Variants in SPTBN5 observed in about 807,000 individuals in gnomAD.
The protein encoded by SPTBN5 is spectrin beta chain, non-erythrocytic 5.
In SPTBN5, 513 loss-of-function variants were observed where a neutral mutation model predicts 477.6. That is an observed-to-expected ratio of 1.07 (90% CI 1.00 to 1.16). The LOEUF (loss-of-function observed/expected upper bound fraction) is 1.16, where lower values mean the gene tolerates loss of function less well. Ranked by LOEUF, SPTBN5 falls within the 50% of genes most tolerant of loss-of-function variation. The probability of loss-of-function intolerance (pLI) is 0.00; values close to 1 mark genes in which losing one functional copy is unlikely to be tolerated. For synonymous variants in SPTBN5, 2,169 were observed against 2,011.7 expected (o/e 1.08, Z -2.09); for missense variants, 5,062 against 4,731.8 (o/e 1.07, Z -2.05).
intron 20 of SPTBN5, 36 bp from the exon 21 acceptor site, chr15:41,876,320 C>T (rs544563594): frequency 4.4e-5 from 66 of 1,510,440 alleles, no homozygotes; most frequent in East Asian, 1.2e-4. Context: ...TCTCAGAGCA[C>T]GGTGGGTGGG....
chr15:41,873,820 C>G (rs372199829), intron 25 of SPTBN5, 25 bp downstream of exon 25: 61 of 1,606,956 alleles, frequency 3.8e-5, no homozygotes, highest in Middle Eastern at 3.4e-4. Flanking sequence ...GCCTCTTCCC[C>G]CAACCCCACC....
chr15:41,878,763 G>GGGGGCAGCAAGAACAT (rs1471470017), intron 16 of SPTBN5, 134 bp from the exon 17 acceptor site: 3 of 1,043,738 alleles, frequency 2.9e-6, no homozygotes, highest in Non-Finnish European at 4.1e-6. Context: ...CCCTTGACCT[G>GGGGGCAGCAAGAACAT]GGGGCAGCAA....
chr15:41,893,372 C>T lies in SPTBN5; in HGVS notation c.126G>A (p.Thr42=), dbSNP rs575688377. The T allele has an allele frequency of 3.5e-5, 57 of 1,613,926 alleles. No homozygotes were observed. Among genetic ancestry groups the T allele is most frequent in the Middle Eastern group, 1.6e-4 (1 of 6,062 alleles). ...GGGCCTGTAGCTTGCGAATGTGGCC[C>T]GTCTCGTACTGAGAGTCCATGGTGA... ...PSLTMDSQYE[T]GHIRKLQARH... is the part of the protein sequence containing the mutation. The change falls in exon 2 of 68, where the codon ACG becomes ACA. Residue 42 remains threonine (T), a synonymous_variant. Coordinates refer to ENST00000320955, the MANE Select transcript of SPTBN5 (RefSeq NM_016642.4).
At position 41,867,040 on chromosome 15, in the gene SPTBN5, T is replaced by G. The variant is rs2066345238; in HGVS notation, c.6399A>C (p.Arg2133Ser). 6.4e-7 allele frequency: 1 copy of G among 1,553,566 alleles called. No homozygotes were observed. The highest frequency in any genetic ancestry group is 1.2e-5 in the South Asian group (1 of 84,346). ...CCCGGCTCTCCGCCAGCTCCTTCAC[T>G]CTCATCCGGCGCTGCAGCAGGATGG... The part of the protein sequence containing the change: ...RLPILLQRRM[R>S]VKELAESRGH... The change falls in exon 36 of 68, where the codon AGA (arginine) becomes AGC (serine). Residue 2133 changes from arginine (R) to serine (S), a missense_variant. Transcript: ENST00000320955.
intron 62 of SPTBN5, 82 bp downstream of exon 62, chr15:41,852,100 C>A: frequency 6.8e-7 from 1 of 1,480,908 alleles, no homozygotes; most frequent in Non-Finnish European, 9.1e-7. Flanking sequence ...GGGTGTGGGC[C>A]CTCACCCCCA....
rs928824669 is a variant in SPTBN5 at position 41,879,666 on chromosome 15, G to A, written c.2942+68C>T. 5.7e-6 allele frequency: 9 copies of A among 1,585,342 alleles called. No homozygotes were observed. The African/African-American group carries it at 8.0e-5, about 14-fold the overall frequency. On this transcript the variant is annotated intron_variant, in intron 15 of 67. Coordinates refer to ENST00000320955, the MANE Select transcript of SPTBN5 (RefSeq NM_016642.4). Reference sequence around the variant, plus strand: ...CTCCATCTGGCATGGCGGGAGGCAGGTGAGTCAGGCCCAGGCTGGGCACTG... The same window carrying A: ...CTCCATCTGGCATGGCGGGAGGCAGATGAGTCAGGCCCAGGCTGGGCACTG...
chr15:41,852,184 G>A lies in SPTBN5; in HGVS notation c.10582C>T (p.Gln3528Ter), dbSNP rs1181677367. The change falls in exon 62 of 68, where the codon CAG becomes TAG. Residue 3528 changes from glutamine (Q) to a stop codon, truncating the protein, a stop_gained and splice_region_variant. Transcript: ENST00000320955. LOFTEE classifies it high-confidence loss of function. ...GAQLAETRDP[Q>*]DAKGTPTMEG... The stretch of plus-strand genomic sequence containing the variant: ...TGCAGCCCCATAGGGACACCTGCCT[G>A]GGGGTCCCTCGTCTCAGCCAGCTGT... 6.3e-7 allele frequency: 1 copy of A among 1,590,662 alleles called. No individual in the cohort carries two copies. Among genetic ancestry groups the A allele is most frequent in the Non-Finnish European group, 8.6e-7 (1 of 1,164,638 alleles).
At chr15:41,856,361 G>A (rs2065929409) in intron 53 of SPTBN5, 25 bp downstream of exon 53, 16 of 1,533,132 alleles carry the variant, frequency 1.0e-5, no homozygotes, top group Non-Finnish European at 1.3e-5. Flanking sequence ...CTTGCCTGCT[G>A]TGCCCTGCCC....
Position 41,848,485 on chromosome 15 carries a change from G to A in SPTBN5, c.*131C>T. The A allele has an allele frequency of 4.8e-6, 5 of 1,050,724 alleles. No individual in the cohort carries two copies. The highest frequency in any genetic ancestry group is 7.5e-6 in the Non-Finnish European group (5 of 669,482). The allele number at this position is 1,050,724 out of a possible 1,614,324, so 65.1% of individuals were successfully genotyped here. ...CCAGAAGGAACTGTCTATTCCAGAA[G>A]CTGGGCCTGGGGAACTGGGTTGAAG... On this transcript the variant is annotated 3_prime_UTR_variant, in exon 68 of 68. Coordinates refer to ENST00000320955, the MANE Select transcript of SPTBN5 (RefSeq NM_016642.4).
At chr15:41,851,237 CT>C (rs2065749621) in intron 64 of SPTBN5, 45 bp downstream of exon 64, 2 of 1,556,550 alleles carry the variant, frequency 1.3e-6, no homozygotes, top group African/African-American at 1.4e-5. Flanking sequence ...CTCTGCCTTG[CT>C]TCCCAGCACC....
chr15:41,850,415 C>A, intron 66 of SPTBN5: 1 of 224,454 alleles, frequency 4.5e-6, no homozygotes, highest in South Asian at 9.1e-5. Context: ...CCAAGTAGAA[C>A]CTGGCTTGCT....
At position 41,856,366 on chromosome 15, in the gene SPTBN5, C is replaced by CT. The variant is rs2065929620; in HGVS notation, c.9021+19dup. The stretch of plus-strand genomic sequence containing the variant: ...GTGTTCCAGGCTTGCCTGCTGTGCC[C>CT]TGCCCATCACTCCCCTCACCTCAGT... On this transcript the variant is annotated intron_variant, in intron 53 of 67. Transcript: ENST00000320955. 1 of 1,545,136 alleles carries CT rather than the reference C, an allele frequency of 6.5e-7. No individual in the cohort carries two copies. Among genetic ancestry groups the CT allele is most frequent in the Admixed American group, 1.8e-5 (1 of 54,454 alleles).
At chr15:41,886,471 T>A in intron 6 of SPTBN5, 105 bp from the exon 7 acceptor site, 5 of 1,302,934 alleles carry the variant, frequency 3.8e-6, no homozygotes, top group Non-Finnish European at 5.2e-6. Flanking sequence ...GCTACTTCTC[T>A]GAGCCAAAGA....
intron 55 of SPTBN5, 63 bp downstream of exon 55, chr15:41,855,160 TC>T: frequency 6.5e-7 from 1 of 1,543,520 alleles, no homozygotes; most frequent in Non-Finnish European, 8.8e-7. Flanking sequence ...AACCCTTTCA[TC>T]CCAGGGCAGG....
chr15:41,877,872 C>A (rs1365615753), intron 17 of SPTBN5, among the ~76,000 whole-genome samples: 5 of 152,212 alleles, frequency 3.3e-5, no homozygotes, highest in African/African-American at 1.2e-4. Context: ...GTGGACTGTC[C>A]CTGGTGGCCT....
chr15:41,876,656 C>A lies in SPTBN5; in HGVS notation c.3852-9G>T. Reference sequence around the variant, plus strand: ...GCAGCTGCTCTCTGACCCTGGAGGGCGGGGGGGGGTTGGAGGAGGGCATGG... The same window carrying A: ...GCAGCTGCTCTCTGACCCTGGAGGGAGGGGGGGGGTTGGAGGAGGGCATGG... On this transcript the variant is annotated splice_polypyrimidine_tract_variant and intron_variant, in intron 19 of 67. Coordinates refer to ENST00000320955, the MANE Select transcript of SPTBN5 (RefSeq NM_016642.4). 4.3e-6 allele frequency: 3 copies of A among 703,388 alleles called. No homozygotes were observed. The highest frequency in any genetic ancestry group is 2.8e-5 in the Admixed American group (1 of 35,696). 43.6% of individuals were successfully genotyped at this position (703,388 alleles called of 1,614,324 possible).
Position 41,867,561 on chromosome 15 carries a change from C to T in SPTBN5, c.6289G>A (p.Val2097Ile), listed in dbSNP as rs1182438885. Reference protein sequence around the residue: ...LIRKHEVFLKVLTAQDKKEAA... With the variant: ...LIRKHEVFLKILTAQDKKEAA... ...ACCTTCTTGTCCTGGGCAGTCAGAA[C>T]CTTCAGGAAGACCTCGTGCTTGCGA... The change falls in exon 35 of 68, where the codon GTT becomes ATT. Residue 2097 changes from valine (V) to isoleucine (I), a missense_variant. Coordinates refer to ENST00000320955, the MANE Select transcript of SPTBN5 (RefSeq NM_016642.4). 2 of 1,613,772 alleles carry T rather than the reference C, an allele frequency of 1.2e-6. No individual in the cohort carries two copies. Among genetic ancestry groups the T allele is most frequent in the Non-Finnish European group, 1.7e-6 (2 of 1,179,900 alleles).
At chr15:41,849,759 G>A in intron 67 of SPTBN5, 110 bp downstream of exon 67, 2 of 836,188 alleles carry the variant, frequency 2.4e-6, no homozygotes, top group Non-Finnish European at 3.9e-6. Flanking sequence ...TTTCCCTACA[G>A]CCCAACAGAG....
Position 41,853,601 on chromosome 15 carries a change from C to A in SPTBN5, c.9961G>T (p.Gly3321Trp), listed in dbSNP as rs370935764. Residue 3321 changes from glycine (G) to tryptophan (W), a missense_variant, in exon 58 of 68, where the codon GGG (glycine) becomes TGG (tryptophan). Physicochemically the swap from Gly to Trp is radical, Grantham distance 184. Coordinates refer to ENST00000320955, the MANE Select transcript of SPTBN5 (RefSeq NM_016642.4). ...AQAAQGHAFL[G>W]RCQELLAWAQ... ...ACCTACAGCAGTTCCTGGCAGCGCC[C>A]GAGGAAGGCATGGCCCTGTGCAGCC... 8 of 1,577,972 alleles carry A rather than the reference C, an allele frequency of 5.1e-6. No homozygotes were observed. In the Admixed American group the frequency reaches 1.4e-4, roughly 27 times the overall value.
Sources: gnomAD v4.1 joint callset for allele counts (sites outside exome capture counted in the v4.1 genomes callset) on GRCh38, gnomAD v4.1.1 for gene constraint, MANE v1.5 for transcripts, NCBI Gene and HGNC (gene_info 2026-07-23, HGNC 2026-07-21) for gene names.